MELK: variants seen among roughly 807,000 people sequenced by gnomAD.
MELK encodes maternal embryonic leucine zipper kinase.
In MELK, 81 loss-of-function variants were observed where a neutral mutation model predicts 85.0. The ratio of observed to expected loss-of-function variants is 0.95; its 90% CI spans 0.80 to 1.15. The LOEUF is 1.15. Among genes scored for constraint, MELK ranks in the 50% most tolerant of loss-of-function variants. The probability of loss-of-function intolerance (pLI) is 0.00; values close to 1 mark genes in which losing one functional copy is unlikely to be tolerated. For synonymous variants in MELK, 252 were observed against 265.0 expected (o/e 0.95, Z 0.48); for missense variants, 754 against 777.5 (o/e 0.97, Z 0.36).
chr9:36,620,839 G>T (rs531014232), intron 8 of MELK, among the ~76,000 whole-genome samples: 1 of 151,006 alleles, frequency 6.6e-6, no homozygotes, highest in South Asian at 2.1e-4. Context: ...ATGAGCCACC[G>T]CACCCAGCTG....
chr9:36,654,594 G>A (rs1201169122), intron 12 of MELK, among the ~76,000 whole-genome samples: 2 of 151,768 alleles, frequency 1.3e-5, no homozygotes, highest in African/African-American at 4.8e-5. Context: ...GACCTCAGAT[G>A]ATCCACCTGC....
intron 8 of MELK, among the ~76,000 whole-genome samples, chr9:36,608,850 T>C (rs1825815285): frequency 6.6e-6 from 1 of 152,228 alleles, no homozygotes; most frequent in Admixed American, 6.5e-5. Context: ...CCCAAAGTGC[T>C]GGGATTACAG....
At chr9:36,662,243 CTTTTT>C (rs553334327) in intron 13 of MELK, among the ~76,000 whole-genome samples, 2,100 of 133,336 alleles carry the variant, frequency 0.016, 47 homozygotes, top group African/African-American at 0.055. Context: ...GAATCTGTAT[CTTTTT>C]TTTTTTTTTT....
intron 8 of MELK, among the ~76,000 whole-genome samples, chr9:36,625,935 G>A (rs376905064): frequency 6.6e-6 from 1 of 151,848 alleles, no homozygotes; most frequent in Admixed American, 6.6e-5. Flanking sequence ...TACATTCATC[G>A]CAGAATTGTT....
chr9:36,649,288 C>A (rs1280881351), intron 11 of MELK, among the ~76,000 whole-genome samples: 1 of 151,828 alleles, frequency 6.6e-6, no homozygotes, highest in African/African-American at 2.4e-5. Context: ...AGATCGAGAC[C>A]ATCCTGGCTA....
rs150892566 is a variant in MELK, at chr9:36,634,343, C to T, written c.834+1143C>T. Among the ~76,000 whole-genome samples the T allele has an allele frequency of 3.4e-3, 515 of 152,296 alleles. 4 individuals are homozygous for T. Among genetic ancestry groups the T allele is most frequent in the African/African-American group, 0.012 (489 of 41,568 alleles). On this transcript the variant is annotated intron_variant, in intron 10 of 17. Transcript: ENST00000298048. ...CCTTGGTTCATTTTTGAGAAAATGTCTGCTGAACATTTAAGTCTAAATAAC... is the reference window on the plus strand; with the variant it reads ...CCTTGGTTCATTTTTGAGAAAATGTTTGCTGAACATTTAAGTCTAAATAAC...
intron 16 of MELK, among the ~76,000 whole-genome samples, chr9:36,671,612 G>C (rs1226996794): frequency 6.6e-6 from 1 of 152,222 alleles, no homozygotes; most frequent in Non-Finnish European, 1.5e-5. Context: ...GACAAGCGGG[G>C]AAGGTAGGCC....
At chr9:36,670,275 T>C (rs1832765406) in intron 15 of MELK, among the ~76,000 whole-genome samples, 1 of 152,184 alleles carries the variant, frequency 6.6e-6, no homozygotes, top group Non-Finnish European at 1.5e-5. Context: ...GGTACTATGG[T>C]TTTTTTAAAT....
intron 1 of MELK, among the ~76,000 whole-genome samples, chr9:36,575,308 A>C (rs1001534896): frequency 3.3e-5 from 5 of 152,316 alleles, no homozygotes; most frequent in South Asian, 4.1e-4. Flanking sequence ...CAGCAGCTAC[A>C]AAGTTGGGTT....
intron 3 of MELK, among the ~76,000 whole-genome samples, chr9:36,586,344 GAA>G (rs202094773): frequency 1.0e-4 from 10 of 99,532 alleles, no homozygotes; most frequent in African/African-American, 2.7e-4. Context: ...CCTGTCTCCA[GAA>G]AAAAAAAAAA....
intron 2 of MELK, 82 bp downstream of exon 2, chr9:36,581,821 C>T (rs964945784): frequency 1.5e-5 from 17 of 1,114,794 alleles, no homozygotes; most frequent in East Asian, 1.4e-4. Flanking sequence ...TGAGCTTTTT[C>T]GTCTAACCCA....
In MELK at chr9:36,609,817, A is replaced by G. The variant is rs1825916337; in HGVS notation, c.666+2144A>G. Among the ~76,000 whole-genome samples, 3 of 152,304 alleles carry G rather than the reference A, an allele frequency of 2.0e-5. No individual in the cohort carries two copies. The South Asian group carries it at 6.2e-4, about 32-fold the overall frequency. ...TTCCTGAATTTCTGCTTTATATAAG[A>G]TGCTGAAAGGCATAGAAAAGATCTA... On this transcript the variant is annotated intron_variant, in intron 8 of 17. Transcript: ENST00000298048.
chr9:36,617,467 G>A (rs1035766352), intron 8 of MELK, among the ~76,000 whole-genome samples: 1 of 151,966 alleles, frequency 6.6e-6, no homozygotes, highest in Non-Finnish European at 1.5e-5. Context: ...TGAGTAGCTG[G>A]AACTACAGGC....
At chr9:36,620,839 G>A (rs531014232) in intron 8 of MELK, among the ~76,000 whole-genome samples, 6 of 151,128 alleles carry the variant, frequency 4.0e-5, no homozygotes, top group East Asian at 2.0e-4. Context: ...ATGAGCCACC[G>A]CACCCAGCTG....
At chr9:36,653,534 T>C (rs946993354) in intron 12 of MELK, among the ~76,000 whole-genome samples, 1 of 152,216 alleles carries the variant, frequency 6.6e-6, no homozygotes, top group African/African-American at 2.4e-5. Flanking sequence ...TTGTTTTGTG[T>C]GATTCTTTGT....
intron 8 of MELK, among the ~76,000 whole-genome samples, chr9:36,616,026 C>T (rs893814019): frequency 3.9e-4 from 60 of 152,244 alleles, no homozygotes; most frequent in African/African-American, 1.4e-3. Flanking sequence ...CCCTCGGGCC[C>T]CGCGGGGCCC....
chr9:36,615,330 T>C (rs1826551403), intron 8 of MELK, among the ~76,000 whole-genome samples: 1 of 120,586 alleles, frequency 8.3e-6, no homozygotes, highest in Non-Finnish European at 1.7e-5. Context: ...ATGGGGCGGC[T>C]GGCCGGGCGG....
intron 8 of MELK, among the ~76,000 whole-genome samples, chr9:36,616,226 A>G (rs2136102981): frequency 6.6e-6 from 1 of 152,286 alleles, no homozygotes; most frequent in African/African-American, 2.4e-5. Flanking sequence ...ATTCTAACAC[A>G]TATATAGATT....
chr9:36,633,041 A>G, intron 9 of MELK, 61 bp from the exon 10 acceptor site: 2 of 1,172,642 alleles, frequency 1.7e-6, no homozygotes, highest in Non-Finnish European at 2.5e-6. Flanking sequence ...TTCAGGAGGA[A>G]AGGTGTTCTA....
Sources: gnomAD v4.1 joint callset for allele counts (sites outside exome capture counted in the v4.1 genomes callset) on GRCh38, gnomAD v4.1.1 for gene constraint, MANE v1.5 for transcripts, NCBI Gene and HGNC (gene_info 2026-07-23, HGNC 2026-07-21) for gene names.